The following SPATA16 variants were observed in gnomAD, a reference collection of about 807,000 sequenced individuals.
SPATA16 encodes the protein spermatogenesis-associated protein 16.
A neutral mutation model predicts 63.3 loss-of-function variants in SPATA16; 36 were observed. That is an observed-to-expected ratio of 0.57 (90% CI 0.44 to 0.75). The LOEUF is 0.75. Ranked by LOEUF, SPATA16 falls within the 30% of genes least tolerant of loss-of-function variation. SPATA16 has a pLI of 0.00. For missense variants in SPATA16, 646 were observed against 679.3 expected, an observed-to-expected ratio of 0.95 and a Z score of 0.54; for synonymous variants, 203 against 216.7, an observed-to-expected ratio of 0.94 and a Z score of 0.56.
Position 172,916,387 on chromosome 3 carries a change from A to G in SPATA16, c.1433T>C (p.Ile478Thr). ...TGCTAGCTCTGCCATTGCTTGATTA[A>G]TCACCTGGGACTGCTCCTTTACTCT... Reference protein sequence around the residue: ...LQRVKEQSQVINQAMAELATI... With the variant: ...LQRVKEQSQVTNQAMAELATI... The change falls in exon 9 of 11, where the codon ATT (isoleucine) becomes ACT (threonine). Residue 478 changes from isoleucine (I) to threonine (T), a missense_variant. Coordinates refer to ENST00000351008, the MANE Select transcript of SPATA16 (RefSeq NM_031955.6). The G allele has an allele frequency of 6.2e-7, 1 of 1,613,864 alleles. No individual in the cohort carries two copies. Among genetic ancestry groups the G allele is most frequent in the East Asian group, 2.2e-5 (1 of 44,886 alleles).
chr3:173,110,696 C>T (rs952813496), intron 2 of SPATA16, among the ~76,000 whole-genome samples: 2 of 152,158 alleles, frequency 1.3e-5, no homozygotes, highest in African/African-American at 2.4e-5. Flanking sequence ...AAGAAAGTTG[C>T]TCAAACTCAC....
chr3:172,985,745 A>AT (rs1734439179), intron 4 of SPATA16, among the ~76,000 whole-genome samples: 1 of 152,194 alleles, frequency 6.6e-6, no homozygotes, highest in Admixed American at 6.6e-5. Context: ...GACATATCAC[A>AT]TGCTAGGGAA....
intron 3 of SPATA16, among the ~76,000 whole-genome samples, chr3:173,020,246 C>T (rs1042590153): frequency 2.0e-5 from 3 of 151,082 alleles, no homozygotes; most frequent in Non-Finnish European, 2.9e-5. Flanking sequence ...GCAGTGAGAT[C>T]GCGCCACTGC....
intron 4 of SPATA16, among the ~76,000 whole-genome samples, chr3:173,003,766 T>C (rs578246690): frequency 6.6e-6 from 1 of 152,328 alleles, no homozygotes; most frequent in South Asian, 2.1e-4. Context: ...CTTCAAAACT[T>C]GTATCAACAA....
rs563207722 is a variant in SPATA16, at chr3:172,984,577, A to G, written c.849-7525T>C. ...TTGTAACAAGCCTTCTTCTATGCCTAATTGCCTGATTCTAATATCTGGAAT... is the reference window on the plus strand; with the variant it reads ...TTGTAACAAGCCTTCTTCTATGCCTGATTGCCTGATTCTAATATCTGGAAT... On this transcript the variant is annotated intron_variant, in intron 4 of 10. Coordinates refer to ENST00000351008, the MANE Select transcript of SPATA16 (RefSeq NM_031955.6). 1.1e-4 allele frequency among the ~76,000 whole-genome samples: 16 copies of G among 152,232 alleles called. No homozygotes were observed. The East Asian group carries it at 3.1e-3, about 29-fold the overall frequency.
At chr3:172,929,817 C>T (rs1336867978) in intron 6 of SPATA16, among the ~76,000 whole-genome samples, 1 of 152,198 alleles carries the variant, frequency 6.6e-6, no homozygotes, top group Non-Finnish European at 1.5e-5. Context: ...TTGCTCATCA[C>T]TCCAAAAGTT....
chr3:172,972,837 T>G (rs1340607587), intron 5 of SPATA16, among the ~76,000 whole-genome samples: 2 of 152,176 alleles, frequency 1.3e-5, no homozygotes, highest in Admixed American at 1.3e-4. Flanking sequence ...TGAAGGTCAC[T>G]TTTTGTTCAG....
Position 173,117,613 on chromosome 3 carries a change from A to T in SPATA16, c.119T>A (p.Ile40Asn). The T allele has an allele frequency of 6.2e-7, 1 of 1,613,716 alleles. No individual in the cohort carries two copies. The highest frequency in any genetic ancestry group is 1.7e-4 in the Middle Eastern group (1 of 6,058). Residue 40 changes from isoleucine to asparagine, a missense_variant, in exon 2 of 11, where the codon ATC (isoleucine) becomes AAC (asparagine). Transcript: ENST00000351008. ...KMSTLAHPPN[I>N]LEMSQEIKKN... is the part of the protein sequence containing the mutation. ...CTTAATCTCTTGTGACATTTCCAGG[A>T]TGTTAGGTGGGTGCGCTAAGGTGGA...
chr3:173,040,864 A>C (rs1219459956), intron 3 of SPATA16, among the ~76,000 whole-genome samples: 2 of 152,076 alleles, frequency 1.3e-5, no homozygotes, highest in Admixed American at 1.3e-4. Flanking sequence ...GTGTTCAATG[A>C]ATGCTTGTCC....
chr3:172,985,423 T>G (rs1008901454), intron 4 of SPATA16, among the ~76,000 whole-genome samples: 4 of 152,208 alleles, frequency 2.6e-5, no homozygotes, highest in African/African-American at 9.6e-5. Flanking sequence ...CATGGCAACA[T>G]GCAGAAGTAT....
intron 6 of SPATA16, among the ~76,000 whole-genome samples, chr3:172,946,465 C>T (rs992101682): frequency 2.6e-5 from 4 of 152,148 alleles, no homozygotes; most frequent in African/African-American, 9.7e-5. Flanking sequence ...GCCTCCTGCC[C>T]TGAAAGGAGA....
chr3:173,010,408 C>G (rs1474944782), intron 4 of SPATA16, among the ~76,000 whole-genome samples: 1 of 151,718 alleles, frequency 6.6e-6, no homozygotes, highest in South Asian at 2.1e-4. Flanking sequence ...CTGCCCCACC[C>G]GGCCTGACCA....
At chr3:173,059,462 A>G (rs917559474) in intron 2 of SPATA16, among the ~76,000 whole-genome samples, 5 of 150,256 alleles carry the variant, frequency 3.3e-5, no homozygotes, top group Non-Finnish European at 5.9e-5. Flanking sequence ...TTTCTTACTC[A>G]TTATCTTACT....
chr3:172,988,934 G>A (rs762523202), intron 4 of SPATA16, among the ~76,000 whole-genome samples: 6 of 152,202 alleles, frequency 3.9e-5, no homozygotes, highest in African/African-American at 1.2e-4. Context: ...TCTTCCAAGA[G>A]AGTGGAGAGC....
intron 4 of SPATA16, among the ~76,000 whole-genome samples, chr3:172,994,231 G>C (rs1033107843): frequency 1.3e-5 from 2 of 152,154 alleles, no homozygotes; most frequent in Admixed American, 6.6e-5. Flanking sequence ...AACTCTTGGT[G>C]AATCAGTCAG....
At chr3:173,026,282 AT>A (rs1313936891) in intron 3 of SPATA16, among the ~76,000 whole-genome samples, 3 of 151,494 alleles carry the variant, frequency 2.0e-5, no homozygotes, top group Non-Finnish European at 1.5e-5. Context: ...AAAACTGGGC[AT>A]TTTTTTTCCT....
intron 8 of SPATA16, among the ~76,000 whole-genome samples, chr3:172,922,362 T>C (rs1732631556): frequency 6.6e-6 from 1 of 152,230 alleles, no homozygotes; most frequent in South Asian, 2.1e-4. Context: ...ATGAGAAGAC[T>C]GAGTTATTAA....
intron 6 of SPATA16, among the ~76,000 whole-genome samples, chr3:172,952,865 G>A (rs765906944): frequency 3.3e-5 from 5 of 149,368 alleles, no homozygotes; most frequent in African/African-American, 4.9e-5. Flanking sequence ...GCTTGAACCC[G>A]GGAGGTGGAG....
At chr3:173,136,920 C>A (rs1243444233) in intron 1 of SPATA16, among the ~76,000 whole-genome samples, 3 of 152,156 alleles carry the variant, frequency 2.0e-5, no homozygotes, top group Non-Finnish European at 2.9e-5. Context: ...TCCCTGTCCT[C>A]TCTCTTGGGA....
Sources: gnomAD v4.1 joint callset for allele counts (sites outside exome capture counted in the v4.1 genomes callset) on GRCh38, gnomAD v4.1.1 for gene constraint, MANE v1.5 for transcripts, NCBI Gene and HGNC (gene_info 2026-07-23, HGNC 2026-07-21) for gene names.